NINJ1: variants seen among roughly 807,000 people sequenced by gnomAD.
NINJ1 encodes the protein ninjurin 1, also known as ninjurin-1.
Under a neutral mutation model 12.7 loss-of-function variants are expected in NINJ1, and 6 were observed. The observed-to-expected ratio is 0.47, with a 90% CI of 0.26 to 0.93. The LOEUF (loss-of-function observed/expected upper bound fraction) is 0.93, where lower values mean the gene tolerates loss of function less well. NINJ1 is among the 40% of genes least tolerant of loss of function. The probability of loss-of-function intolerance (pLI) is 0.15; values close to 1 mark genes in which losing one functional copy is unlikely to be tolerated. For synonymous variants in NINJ1, 100 were observed against 96.0 expected (o/e 1.04, Z -0.25); for missense variants, 170 against 213.0 (o/e 0.80, Z 1.26).
intron 1 of NINJ1, 152 bp from the exon 2 acceptor site, chr9:93,126,790 A>T: frequency 3.2e-6 from 2 of 622,082 alleles, no homozygotes; most frequent in Non-Finnish European, 5.6e-6. Context: ...TTATTACCCT[A>T]AGGAGAGGCT....
chr9:93,123,526 C>T (rs1448820848), intron 3 of NINJ1, among the ~76,000 whole-genome samples: 1 of 152,212 alleles, frequency 6.6e-6, no homozygotes, highest in Non-Finnish European at 1.5e-5. Flanking sequence ...TCAGGTGATC[C>T]GCTTGCCTCA....
intron 1 of NINJ1, among the ~76,000 whole-genome samples, chr9:93,129,933 C>T (rs756318838): frequency 6.6e-6 from 1 of 152,212 alleles, no homozygotes; most frequent in African/African-American, 2.4e-5. Flanking sequence ...CACTCTCCCC[C>T]AGTCCTGGGC....
At chr9:93,123,090 T>C (rs1013739667) in intron 3 of NINJ1, among the ~76,000 whole-genome samples, 7 of 152,178 alleles carry the variant, frequency 4.6e-5, no homozygotes, top group Admixed American at 2.0e-4. Flanking sequence ...GGCCGGGACA[T>C]TGGGGGCTGG....
chr9:93,134,052 G>A, intron 1 of NINJ1, 91 bp downstream of exon 1: 3 of 1,020,774 alleles, frequency 2.9e-6, no homozygotes, highest in Admixed American at 5.2e-5. Context: ...TCTGCAGTGC[G>A]GACGCGGCGC....
At position 93,134,212 on chromosome 9, in the gene NINJ1, G is replaced by A; in HGVS notation, c.6C>T (p.Asp2=). 1 of 1,499,822 alleles carries A rather than the reference G, an allele frequency of 6.7e-7. No individual in the cohort carries two copies. The highest frequency in any genetic ancestry group is 8.9e-7 in the Non-Finnish European group (1 of 1,117,474). The allele number at this position is 1,499,822 out of a possible 1,614,324, so 92.9% of individuals were successfully genotyped here. The change falls in exon 1 of 4, where the codon GAC becomes GAT. Residue 2 remains aspartate, a synonymous_variant. Transcript: ENST00000375446. The stretch of plus-strand genomic sequence containing the variant: ...TGAGCTCGTACTCCTCGGTTCCCGA[G>A]TCCATGGTGCGGCCGCCCAGGCCGC... M[D]SGTEEYELNG...
At chr9:93,127,168 G>A (rs1827826485) in intron 1 of NINJ1, among the ~76,000 whole-genome samples, 1 of 152,182 alleles carries the variant, frequency 6.6e-6, no homozygotes. Flanking sequence ...CAGGCCACTC[G>A]CCTCCAGGCC....
chr9:93,133,619 G>A (rs766472224), intron 1 of NINJ1, among the ~76,000 whole-genome samples: 3 of 152,230 alleles, frequency 2.0e-5, no homozygotes, highest in Non-Finnish European at 2.9e-5. Context: ...ACCACAGCGG[G>A]CCCCAAGTTC....
chr9:93,126,332 G>T, intron 2 of NINJ1, 78 bp downstream of exon 2: 1 of 1,267,286 alleles, frequency 7.9e-7, no homozygotes, highest in East Asian at 2.4e-5. Context: ...GCAAGGTGGT[G>T]GGCACCTGTC....
chr9:93,130,388 A>G (rs866645646), intron 1 of NINJ1, among the ~76,000 whole-genome samples: 5 of 152,122 alleles, frequency 3.3e-5, no homozygotes, highest in Admixed American at 6.5e-5. Flanking sequence ...TGCTGCATCC[A>G]CCGGCCTGGC....
At chr9:93,131,328 G>A (rs919257029) in intron 1 of NINJ1, among the ~76,000 whole-genome samples, 1 of 152,250 alleles carries the variant, frequency 6.6e-6, no homozygotes, top group Admixed American at 6.5e-5. Context: ...GAGTGGCCCT[G>A]AGACCATGTT....
In NINJ1 at chr9:93,124,834, T is replaced by A. The variant is rs867525109; in HGVS notation, c.*9+65A>T. 8 of 1,519,306 alleles carry A rather than the reference T, an allele frequency of 5.3e-6. No homozygotes were observed. The African/African-American group carries it at 5.5e-5, about 11-fold the overall frequency. 94.1% of individuals were successfully genotyped at this position (1,519,306 alleles called of 1,614,324 possible). ...CTGGCCGGCCAGGGACTCACCACAC[T>A]GCAAGAGCCTCCAACAGCGAGCAAC... On this transcript the variant is annotated intron_variant, in intron 3 of 3. Transcript: ENST00000375446.
Position 93,126,490 on chromosome 9 carries a change from G to A in NINJ1, c.224C>T (p.Ala75Val). The A allele has an allele frequency of 6.2e-7, 1 of 1,614,198 alleles. No individual in the cohort carries two copies. Among genetic ancestry groups the A allele is most frequent in the Non-Finnish European group, 8.5e-7 (1 of 1,180,038 alleles). ...GAGGACCACCAGGGGCACATAGAAG[G>A]CGAAGCTGGGGCCCTGTTCCACGAC... Reference protein sequence around the residue: ...KAVVEQGPSFAFYVPLVVLIS... With the variant: ...KAVVEQGPSFVFYVPLVVLIS... Residue 75 changes from alanine to valine, a missense_variant, in exon 2 of 4, where the codon GCC becomes GTC. Coordinates refer to ENST00000375446, the MANE Select transcript of NINJ1 (RefSeq NM_004148.4).
intron 3 of NINJ1, among the ~76,000 whole-genome samples, chr9:93,123,348 G>C (rs1827761021): frequency 6.6e-6 from 1 of 151,998 alleles, no homozygotes; most frequent in African/African-American, 2.4e-5. Context: ...GCAATGGCGT[G>C]ATCTCAGTTC....
intron 1 of NINJ1, among the ~76,000 whole-genome samples, chr9:93,127,339 T>C (rs1268294799): frequency 6.6e-6 from 1 of 152,148 alleles, no homozygotes; most frequent in Non-Finnish European, 1.5e-5. Context: ...AGTAATAAAA[T>C]GGGAATGCGA....
At chr9:93,125,947 T>C (rs1368422970) in intron 2 of NINJ1, 1 of 167,828 alleles carries the variant, frequency 6.0e-6, no homozygotes. Context: ...CTCATGCCTG[T>C]AATCCCAGTA....
At chr9:93,129,063 C>T (rs1045951981) in intron 1 of NINJ1, among the ~76,000 whole-genome samples, 8 of 152,164 alleles carry the variant, frequency 5.3e-5, no homozygotes, top group Non-Finnish European at 8.8e-5. Flanking sequence ...AAGCACCATC[C>T]GCGCAGAGCC....
Position 93,123,173 on chromosome 9 carries a change from G to A in NINJ1, c.*10-943C>T, listed in dbSNP as rs563457986. ...GAGGCCATGGGCCACTACGAGCAGCGGTCACTCGTTGGCCCCCGTGTGGGG... is the reference window on the plus strand; with the variant it reads ...GAGGCCATGGGCCACTACGAGCAGCAGTCACTCGTTGGCCCCCGTGTGGGG... On this transcript the variant is annotated intron_variant, in intron 3 of 3. Coordinates refer to ENST00000375446, the MANE Select transcript of NINJ1 (RefSeq NM_004148.4). Among the ~76,000 whole-genome samples the A allele has an allele frequency of 1.5e-3, 225 of 152,250 alleles. 3 individuals are homozygous for A. The highest frequency in any genetic ancestry group is 0.014 in the Middle Eastern group (4 of 294).
intron 2 of NINJ1, 185 bp downstream of exon 2, chr9:93,126,225 C>A: frequency 1.8e-6 from 1 of 555,026 alleles, no homozygotes; most frequent in South Asian, 2.2e-5. Context: ...AAACAAAAAC[C>A]AAAGTGCAGG....
intron 1 of NINJ1, among the ~76,000 whole-genome samples, chr9:93,129,284 G>A (rs1373921456): frequency 2.0e-5 from 3 of 152,226 alleles, no homozygotes; most frequent in Non-Finnish European, 4.4e-5. Flanking sequence ...TCCCTTAGGG[G>A]CTGAACTCTC....
Sources: gnomAD v4.1 joint callset for allele counts (sites outside exome capture counted in the v4.1 genomes callset) on GRCh38, gnomAD v4.1.1 for gene constraint, MANE v1.5 for transcripts, NCBI Gene and HGNC (gene_info 2026-07-23, HGNC 2026-07-21) for gene names.